Variants in ATF6B observed in about 807,000 individuals in gnomAD.
ATF6B encodes the protein activating transcription factor 6 beta.
A neutral mutation model predicts 83.5 loss-of-function variants in ATF6B; 50 were observed. That is an observed-to-expected ratio of 0.60 (90% confidence interval 0.48 to 0.76). ATF6B has a LOEUF of 0.76. ATF6B is among the 30% of genes least tolerant of loss of function. The pLI is 0.00. For synonymous variants in ATF6B, 344 were observed against 362.8 expected (o/e 0.95, Z 0.59); for missense variants, 790 against 893.8 (o/e 0.88, Z 1.48).
At position 32,118,663 on chromosome 6, in the gene ATF6B, C is replaced by G; in HGVS notation, c.1244+112G>C. ...GACACATCATCGGTGCCAAGGACAC[C>G]AGAACCATTTGTATATAAGCAGAAG... On this transcript the variant is annotated intron_variant, in intron 11 of 17. Transcript: ENST00000375203. The surrounding 1 kb of genome is among the most constrained non-coding windows in gnomAD (Gnocchi z 5.2). The G allele has an allele frequency of 9.2e-7, 1 of 1,088,916 alleles. No homozygotes were observed. Among genetic ancestry groups the G allele is most frequent in the South Asian group, 1.3e-5 (1 of 74,416 alleles). The allele number at this position is 1,088,916 out of a possible 1,614,324, so 67.5% of individuals were successfully genotyped here. A position where few individuals can be genotyped will look rare whatever the true frequency, so the allele number is the denominator to read the frequency against.
At chr6:32,126,978 C>G (rs1435540320) in intron 4 of ATF6B, 125 bp downstream of exon 4, 5 of 739,172 alleles carry the variant, frequency 6.8e-6, no homozygotes, top group Non-Finnish European at 7.7e-6. Context: ...GAAGGCCCCC[C>G]ACACCTCACA....
rs962126345 is a variant in ATF6B, at chr6:32,119,091, G to A, written c.1017C>T (p.Ala339=). Residue 339 remains alanine, a synonymous_variant, in exon 10 of 18, where the codon GCC becomes GCT. Coordinates refer to ENST00000375203, the MANE Select transcript of ATF6B (RefSeq NM_004381.5). This position sits in a 1 kb window ranked among gnomAD's most constrained non-coding sequence, Gnocchi z 4.9. ...QQRMIKNRES[A]CQSRRKKKEY... is the part of the protein sequence containing the mutation. ...CTTTCTTCTTTCTCCGGGACTGGCAGGCTGACTCCCGGTTCTTGATCATTC... is the reference window on the plus strand; with the variant it reads ...CTTTCTTCTTTCTCCGGGACTGGCAAGCTGACTCCCGGTTCTTGATCATTC... The A allele has an allele frequency of 1.9e-6, 3 of 1,613,264 alleles. No homozygotes were observed. Among genetic ancestry groups the A allele is most frequent in the African/African-American group, 1.3e-5 (1 of 74,932 alleles).
In ATF6B at chr6:32,118,203, G is replaced by A. The variant is rs1486518021; in HGVS notation, c.1245-165C>T. ...AAGGATGGTCCCTACATACAAAAAA[G>A]ACAGTGCATCACCTAGAGCCTAGAA... On this transcript the variant is annotated intron_variant, in intron 11 of 17. Transcript: ENST00000375203. This position sits in a 1 kb window ranked among gnomAD's most constrained non-coding sequence, Gnocchi z 5.2. Among the ~76,000 whole-genome samples the A allele has an allele frequency of 6.6e-6, 1 of 152,186 alleles. No individual in the cohort carries two copies. Among genetic ancestry groups the A allele is most frequent in the East Asian group, 1.9e-4 (1 of 5,204 alleles).
In ATF6B at chr6:32,119,796, C is replaced by T; in HGVS notation, c.966+28G>A. ...TTCCCTCTTCCCTTCCCATCACTCG[C>T]CCTACTTCTCTCCTCCCCAACACTT... is the stretch of plus-strand genomic sequence containing the variant. On this transcript the variant is annotated intron_variant, in intron 9 of 17. Transcript: ENST00000375203. This position sits in a 1 kb window ranked among gnomAD's most constrained non-coding sequence, Gnocchi z 4.9. The T allele has an allele frequency of 6.2e-7, 1 of 1,611,500 alleles. No homozygotes were observed. Among genetic ancestry groups the T allele is most frequent in the Non-Finnish European group, 8.5e-7 (1 of 1,178,420 alleles).
rs6926448 is a variant in ATF6B, at chr6:32,116,770, C to T, written c.1731G>A (p.Ser577=). The T allele has an allele frequency of 1.9e-5, 31 of 1,613,974 alleles. No individual in the cohort carries two copies. The Middle Eastern group carries it at 1.3e-3, about 68-fold the overall frequency. The stretch of plus-strand genomic sequence containing the variant: ...CAATTGCATCCAAGAATGCTGGCTG[C>T]GAACGGTCTGGGTGGCGATATAGTT... ...QLQLYRHPDR[S]QPAFLDAIDR... Residue 577 remains serine (S), a synonymous_variant, in exon 16 of 18, where the codon TCG becomes TCA. Coordinates refer to ENST00000375203, the MANE Select transcript of ATF6B (RefSeq NM_004381.5). The surrounding 1 kb of genome is among the most constrained non-coding windows in gnomAD (Gnocchi z 5.1).
chr6:32,118,938 G>A lies in ATF6B; in HGVS notation c.1152+18C>T. 2 of 1,614,062 alleles carry A rather than the reference G, an allele frequency of 1.2e-6. No homozygotes were observed. The highest frequency in any genetic ancestry group is 1.7e-6 in the Non-Finnish European group (2 of 1,179,920). On this transcript the variant is annotated intron_variant, in intron 10 of 17. Transcript: ENST00000375203. The surrounding 1 kb of genome is among the most constrained non-coding windows in gnomAD (Gnocchi z 5.2). Reference sequence around the variant, plus strand: ...AGGCTGTATTCCTGTTGGTCTCCCAGGGACAGACTGGTCTTACTTCAGCCA... The same window carrying A: ...AGGCTGTATTCCTGTTGGTCTCCCAAGGACAGACTGGTCTTACTTCAGCCA...
Position 32,117,910 on chromosome 6 carries a change from G to A in ATF6B, c.1373C>T (p.Ser458Phe). The A allele has an allele frequency of 6.3e-7, 1 of 1,598,680 alleles. No homozygotes were observed. The highest frequency in any genetic ancestry group is 8.5e-7 in the Non-Finnish European group (1 of 1,173,392). ...VQGVEPLQGS[S>F]QGPKEPQPSP... is the part of the protein sequence containing the mutation. Reference sequence around the variant, plus strand: ...GGGCTGGGGCTCCTTAGGGCCCTGGGAGGACCCCTGGAGAGGTTCAACTCC... The same window carrying A: ...GGGCTGGGGCTCCTTAGGGCCCTGGAAGGACCCCTGGAGAGGTTCAACTCC... The change falls in exon 12 of 18, where the codon TCC becomes TTC. Residue 458 changes from serine (S) to phenylalanine (F), a missense_variant. Around this residue, in one of 3 missense-constraint regions of ATF6B, gnomAD observed 530 missense variants for 632.6 expected, o/e 0.84. Coordinates refer to ENST00000375203, the MANE Select transcript of ATF6B (RefSeq NM_004381.5). This position sits in a 1 kb window ranked among gnomAD's most constrained non-coding sequence, Gnocchi z 5.0.
chr6:32,117,786 C>T lies in ATF6B; in HGVS notation c.1424+73G>A, dbSNP rs1294628231. ...TGACGGCAAGAGAAAGCTTTGGGTC[C>T]CCCTCACTGAAAGCGGGGAGAAGAC... On this transcript the variant is annotated intron_variant, in intron 12 of 17. Transcript: ENST00000375203. This position sits in a 1 kb window ranked among gnomAD's most constrained non-coding sequence, Gnocchi z 5.0. 6.4e-7 allele frequency: 1 copy of T among 1,572,124 alleles called. No homozygotes were observed. Among genetic ancestry groups the T allele is most frequent in the South Asian group, 1.2e-5 (1 of 86,578 alleles).
In ATF6B at chr6:32,115,891, C is replaced by A; in HGVS notation, c.1960G>T (p.Val654Leu). 6.2e-7 allele frequency: 1 copy of A among 1,614,158 alleles called. No individual in the cohort carries two copies. The highest frequency in any genetic ancestry group is 8.5e-7 in the Non-Finnish European group (1 of 1,180,020). The stretch of plus-strand genomic sequence containing the variant: ...ACTGTGGAGGTCTTGATGTGAATCA[C>A]CCTGGTGTCCATGACCTCACACTCG... ...QIECEVMDTR[V>L]IHIKTSTVPP... Residue 654 changes from valine (V) to leucine (L), a missense_variant, in exon 18 of 18, where the codon GTG (valine) becomes TTG (leucine). Around this residue, in one of 3 missense-constraint regions of ATF6B, gnomAD observed 530 missense variants for 632.6 expected, o/e 0.84. Coordinates refer to ENST00000375203, the MANE Select transcript of ATF6B (RefSeq NM_004381.5).
intron 8 of ATF6B, 152 bp downstream of exon 8, chr6:32,120,619 T>C (rs779684112): frequency 2.1e-6 from 2 of 938,020 alleles, no homozygotes; most frequent in Non-Finnish European, 3.0e-6. Flanking sequence ...CCACGCTAAT[T>C]TTTGTATTTT....
chr6:32,124,599 C>T (rs1781891756), intron 5 of ATF6B, among the ~76,000 whole-genome samples: 9 of 152,194 alleles, frequency 5.9e-5, no homozygotes, highest in Admixed American at 5.9e-4. Context: ...AAGCTAAGAG[C>T]CCCTTAGCAG....
rs150906309 is a variant in ATF6B at position 32,125,252 on chromosome 6, T to C, written c.478+865A>G. ...TGGTCAGGTCTTGTTCATCTTTGCA[T>C]TCCCAGCATGCTGCTCAGTATCTGG... On this transcript the variant is annotated intron_variant, in intron 5 of 17. Coordinates refer to ENST00000375203, the MANE Select transcript of ATF6B (RefSeq NM_004381.5). This position sits in a 1 kb window ranked among gnomAD's most constrained non-coding sequence, Gnocchi z 4.1. Among the ~76,000 whole-genome samples the C allele has an allele frequency of 8.0e-3, 1,217 of 152,324 alleles. 7 individuals are homozygous for C. The highest frequency in any genetic ancestry group is 0.011 in the Non-Finnish European group (759 of 68,032).
intron 5 of ATF6B, among the ~76,000 whole-genome samples, chr6:32,121,835 C>T (rs563347561): frequency 4.3e-4 from 65 of 152,326 alleles, no homozygotes; most frequent in African/African-American, 1.4e-3. Flanking sequence ...GCTGGCTCTC[C>T]GCCCCGCTTT....
chr6:32,127,721 C>A lies in ATF6B; in HGVS notation c.121G>T (p.Val41Leu). Reference sequence around the variant, plus strand: ...AAGAGCTGCGTCTGCTCCTCGGCCACTTCATCTAGGCCAGAATACAAGGTG... The same window carrying A: ...AAGAGCTGCGTCTGCTCCTCGGCCAATTCATCTAGGCCAGAATACAAGGTG... ...NSTLYSGLDE[V>L]AEEQTQLFRC... The change falls in exon 2 of 18, where the codon GTG (valine) becomes TTG (leucine). Residue 41 changes from valine to leucine, a missense_variant. Transcript: ENST00000375203. The A allele has an allele frequency of 6.2e-7, 1 of 1,614,176 alleles. No individual in the cohort carries two copies. The highest frequency in any genetic ancestry group is 1.1e-5 in the South Asian group (1 of 91,088).
Position 32,119,247 on chromosome 6 carries a change from CCT to C in ATF6B, c.967-108_967-107del, listed in dbSNP as rs958312255. 6.7e-6 allele frequency: 9 copies of C among 1,345,680 alleles called. No individual in the cohort carries two copies. The African/African-American group carries it at 8.9e-5, about 13-fold the overall frequency. The allele number at this position is 1,345,680 out of a possible 1,614,324, so 83.4% of individuals were successfully genotyped here. ...TACCCAAAGCTCACATGGCCATTCCCCTGCCTTCCTGACCCACCTACATAGCC... is the reference window on the plus strand; with the variant it reads ...TACCCAAAGCTCACATGGCCATTCCCGCCTTCCTGACCCACCTACATAGCC... On this transcript the variant is annotated intron_variant, in intron 9 of 17. Transcript: ENST00000375203. This position sits in a 1 kb window ranked among gnomAD's most constrained non-coding sequence, Gnocchi z 4.9.
chr6:32,127,859 C>A, intron 1 of ATF6B, 109 bp from the exon 2 acceptor site: 1 of 1,260,506 alleles, frequency 7.9e-7, no homozygotes, highest in Non-Finnish European at 1.1e-6. Flanking sequence ...GACCCACCGC[C>A]CGCCCACTTG....
At position 32,128,214 on chromosome 6, in the gene ATF6B, C is replaced by CCCCCCCCCCCCCCCCCCCCA; in HGVS notation, c.-8_-7insTGGGGGGGGGGGGGGGGGGG. On this transcript the variant is annotated 5_prime_UTR_variant, in exon 1 of 18. Transcript: ENST00000375203. ...GCAGCATCAGCTCCGCCATCTTTCC[C>CCCCCCCCCCCCCCCCCCCCA]CCCCACCCCCCAACCAGGAGACGGT... is the stretch of plus-strand genomic sequence containing the variant. 1 of 1,545,256 alleles carries CCCCCCCCCCCCCCCCCCCCA rather than the reference C, an allele frequency of 6.5e-7. No homozygotes were observed.
chr6:32,119,149 C>T lies in ATF6B; in HGVS notation c.967-8G>A. On this transcript the variant is annotated splice_polypyrimidine_tract_variant and splice_region_variant and intron_variant, in intron 9 of 17. Coordinates refer to ENST00000375203, the MANE Select transcript of ATF6B (RefSeq NM_004381.5). This position sits in a 1 kb window ranked among gnomAD's most constrained non-coding sequence, Gnocchi z 4.9. ...CCGCTTCAGCAGCTTTGCCTAGGCA[C>T]CCGGAAGGTCAAAAAAGAATGACAG... 8 of 1,603,138 alleles carry T rather than the reference C, an allele frequency of 5.0e-6. No homozygotes were observed. The highest frequency in any genetic ancestry group is 6.8e-6 in the Non-Finnish European group (8 of 1,176,860).
rs558070976 is a variant in ATF6B at position 32,118,254 on chromosome 6, T to C, written c.1245-216A>G. Among the ~76,000 whole-genome samples, 2 of 152,314 alleles carry C rather than the reference T, an allele frequency of 1.3e-5. No individual in the cohort carries two copies. Among genetic ancestry groups the C allele is most frequent in the African/African-American group, 4.8e-5 (2 of 41,562 alleles). ...CTCAGTAAGCACTTAATAGTCACTATTTCTACCAGCATTATCACCATCATC... is the reference window on the plus strand; with the variant it reads ...CTCAGTAAGCACTTAATAGTCACTACTTCTACCAGCATTATCACCATCATC... On this transcript the variant is annotated intron_variant, in intron 11 of 17. Transcript: ENST00000375203. The surrounding 1 kb of genome is among the most constrained non-coding windows in gnomAD (Gnocchi z 5.2).
Sources: allele counts gnomAD v4.1 joint callset (sites outside exome capture counted in the v4.1 genomes callset), GRCh38; gene constraint gnomAD v4.1.1; regional missense constraint gnomAD v4.1.1; non-coding constraint Gnocchi (gnomAD v3.1); transcripts MANE v1.5; gene names NCBI Gene and HGNC (gene_info 2026-07-23, HGNC 2026-07-21).